RNASE4: variants seen among roughly 807,000 people sequenced by gnomAD.
RNASE4 encodes the protein ribonuclease 4.
For synonymous variants in RNASE4, 93 were observed against 71.4 expected (o/e 1.30, Z -1.52); for missense variants, 194 against 192.8 (o/e 1.01, Z -0.04).
intron 1 of RNASE4, chr14:20,693,870 C>G (rs1886955302): frequency 6.2e-7 from 1 of 1,614,110 alleles, no homozygotes; most frequent in African/African-American, 1.3e-5. Context: ...CTTTCCAGGT[C>G]ACCACTTGCA....
chr14:20,686,910 G>A, intron 1 of RNASE4, among the ~76,000 whole-genome samples: 1 of 152,198 alleles, frequency 6.6e-6, no homozygotes, highest in South Asian at 2.1e-4. Context: ...TATGAAGGAG[G>A]AAAGTGCTCT....
In RNASE4 at chr14:20,700,070, A is replaced by G. The variant is rs988005437; in HGVS notation, c.*255A>G. The G allele has an allele frequency of 1.7e-5, 8 of 478,170 alleles. No homozygotes were observed. In the South Asian group the frequency reaches 2.0e-4, roughly 12 times the overall value. The allele number at this position is 478,170 out of a possible 1,614,324, so 29.6% of individuals were successfully genotyped here. A position where few individuals can be genotyped will look rare whatever the true frequency, so the allele number is the denominator to read the frequency against. ...GGTCAGCTTAGCTCTCTCAGATCCT[A>G]TCCTGTGGAATTTAGTTATTATGTG... On this transcript the variant is annotated 3_prime_UTR_variant, in exon 2 of 2. Transcript: ENST00000555835.
At position 20,699,251 on chromosome 14, in the gene RNASE4, A is replaced by T. The variant is rs7161023; in HGVS notation, c.-17-104A>T. 1.3e-3 allele frequency: 1,242 copies of T among 933,516 alleles called. 9 individuals carry two copies. The African/African-American group carries it at 0.018, about 14-fold the overall frequency. The allele number at this position is 933,516 out of a possible 1,614,324, so 57.8% of individuals were successfully genotyped here. The stretch of plus-strand genomic sequence containing the variant: ...GGAGATGGTGCATATAAGAAGGAGG[A>T]AAGAGGAGACTATGGAGTCAGGATG... On this transcript the variant is annotated intron_variant, in intron 1 of 1. Transcript: ENST00000555835.
intron 1 of RNASE4, among the ~76,000 whole-genome samples, chr14:20,688,014 T>A (rs1183706420): frequency 2.0e-5 from 3 of 152,214 alleles, no homozygotes; most frequent in African/African-American, 7.2e-5. Flanking sequence ...CTGGTGACCT[T>A]TGGCCCACTG....
chr14:20,695,678 G>A (rs951833476), intron 1 of RNASE4, among the ~76,000 whole-genome samples: 1 of 152,202 alleles, frequency 6.6e-6, no homozygotes, highest in Non-Finnish European at 1.5e-5. Context: ...ATTCCCTATG[G>A]TGGCTTCTCC....
In RNASE4 at chr14:20,699,736, A is replaced by G; in HGVS notation, c.365A>G (p.Tyr122Cys). 6.2e-7 allele frequency: 1 copy of G among 1,611,092 alleles called. No homozygotes were observed. Among genetic ancestry groups the G allele is most frequent in the Non-Finnish European group, 8.5e-7 (1 of 1,180,038 alleles). ...TGSSRAPNCRYRAIASTRRVV... is the reference protein window; with the variant it reads ...TGSSRAPNCRCRAIASTRRVV... ...AGTTCCAGGGCACCCAACTGCAGAT[A>G]TCGGGCCATAGCGAGCACTAGACGT... The change falls in exon 2 of 2, where the codon TAT (tyrosine) becomes TGT (cysteine). Residue 122 changes from tyrosine to cysteine, a missense_variant. Tyr to Cys is a radical substitution (Grantham distance 194, BLOSUM62 -2). Transcript: ENST00000555835.
intron 1 of RNASE4, among the ~76,000 whole-genome samples, chr14:20,690,482 G>T (rs1886689268): frequency 6.6e-6 from 1 of 152,052 alleles, no homozygotes; most frequent in African/African-American, 2.4e-5. Flanking sequence ...ATTTAGAGTT[G>T]AATATATTGA....
Position 20,699,954 on chromosome 14 carries a change from A to G in RNASE4, c.*139A>G, listed in dbSNP as rs1887241231. 5.6e-6 allele frequency: 4 copies of G among 708,118 alleles called. No homozygotes were observed. Among genetic ancestry groups the G allele is most frequent in the East Asian group, 2.6e-5 (1 of 38,060 alleles). The allele number at this position is 708,118 out of a possible 1,614,324, so 43.9% of individuals were successfully genotyped here. A position where few individuals can be genotyped will look rare whatever the true frequency, so the allele number is the denominator to read the frequency against. On this transcript the variant is annotated 3_prime_UTR_variant, in exon 2 of 2. Transcript: ENST00000555835. ...TCTTTTTCTCTATATAACTCATTCT[A>G]TTAAATACATTGCACCAAAGAGATA...
At chr14:20,690,478 A>AGAAATTGAGAAATT (rs1886689117) in intron 1 of RNASE4, among the ~76,000 whole-genome samples, 1 of 152,098 alleles carries the variant, frequency 6.6e-6, no homozygotes, top group Non-Finnish European at 1.5e-5. Flanking sequence ...AGGAATTTAG[A>AGAAATTGAGAAATT]GTTGAATATA....
chr14:20,688,911 T>C, intron 1 of RNASE4: 2 of 959,448 alleles, frequency 2.1e-6, no homozygotes, highest in Non-Finnish European at 2.5e-6. Context: ...ATATTATTTC[T>C]AGCCATCCAT....
intron 1 of RNASE4, among the ~76,000 whole-genome samples, 198 bp downstream of exon 1, chr14:20,684,956 A>T (rs1050068924): frequency 1.3e-5 from 2 of 152,272 alleles, no homozygotes; most frequent in East Asian, 3.9e-4. Context: ...ATTCCCACTC[A>T]GGTTTACTTT....
intron 1 of RNASE4, among the ~76,000 whole-genome samples, chr14:20,688,239 T>A (rs1886517257): frequency 6.6e-6 from 1 of 152,036 alleles, no homozygotes; most frequent in African/African-American, 2.4e-5. Flanking sequence ...AGTGTACTAA[T>A]AGCTGTCACA....
intron 1 of RNASE4, among the ~76,000 whole-genome samples, chr14:20,685,896 C>T (rs529825486): frequency 2.6e-5 from 4 of 152,110 alleles, no homozygotes; most frequent in South Asian, 2.1e-4. Flanking sequence ...AAAAATTAGC[C>T]GGGCACGGTG....
chr14:20,690,140 G>A (rs1165580744), intron 1 of RNASE4, among the ~76,000 whole-genome samples: 1 of 144,416 alleles, frequency 6.9e-6, no homozygotes, highest in African/African-American at 2.6e-5. Context: ...GCGTGAACCC[G>A]GGAGGCGGAG....
intron 1 of RNASE4, chr14:20,693,700 G>A (rs1566602373): frequency 1.9e-6 from 3 of 1,614,188 alleles, no homozygotes; most frequent in Admixed American, 1.7e-5. Context: ...ACAGGGCCGG[G>A]ATGACAGATA....
chr14:20,689,404 C>G (rs758070827), intron 1 of RNASE4, among the ~76,000 whole-genome samples: 1 of 152,134 alleles, frequency 6.6e-6, no homozygotes, highest in East Asian at 1.9e-4. Flanking sequence ...GTGTTAGGCT[C>G]TTACTTTGGG....
chr14:20,690,104 A>T (rs1026337400), intron 1 of RNASE4, among the ~76,000 whole-genome samples: 2 of 147,352 alleles, frequency 1.4e-5, no homozygotes, highest in African/African-American at 5.0e-5. Context: ...AGTCCCAGCT[A>T]CTCGGGAGGC....
At position 20,700,848 on chromosome 14, in the gene RNASE4, G is replaced by A. The variant is rs1220783012; in HGVS notation, c.*1033G>A. 6.5e-6 allele frequency: 1 copy of A among 152,742 alleles called. No individual in the cohort carries two copies. The highest frequency in any genetic ancestry group is 1.5e-5 in the Non-Finnish European group (1 of 68,030). 9.5% of individuals were successfully genotyped at this position (152,742 alleles called of 1,614,324 possible). A position where few individuals can be genotyped will look rare whatever the true frequency, so the allele number is the denominator to read the frequency against. ...CAAATTAGGGAGCTGTCAGGTCTCTGAGCCCAAGCCTGCACGTATACATCC... is the reference window on the plus strand; with the variant it reads ...CAAATTAGGGAGCTGTCAGGTCTCTAAGCCCAAGCCTGCACGTATACATCC... On this transcript the variant is annotated 3_prime_UTR_variant, in exon 2 of 2. Coordinates refer to ENST00000555835, the MANE Select transcript of RNASE4 (RefSeq NM_002937.5).
At chr14:20,693,454 T>C in intron 1 of RNASE4, 1 of 1,516,654 alleles carries the variant, frequency 6.6e-7, no homozygotes, top group Non-Finnish European at 9.0e-7. Flanking sequence ...ATCTGATTCA[T>C]GATGCCGTGT....
Sources: gnomAD v4.1 joint callset for allele counts (sites outside exome capture counted in the v4.1 genomes callset) on GRCh38, gnomAD v4.1.1 for gene constraint, MANE v1.5 for transcripts, NCBI Gene and HGNC (gene_info 2026-07-23, HGNC 2026-07-21) for gene names.